Variants in EYS observed in about 807,000 individuals in gnomAD.
EYS encodes the protein EGF-like photoreceptor maintenance factor.
In EYS, 250 loss-of-function variants were observed where a neutral mutation model predicts 282.1. The observed-to-expected ratio is 0.89, with a 90% CI of 0.80 to 0.98. The LOEUF (loss-of-function observed/expected upper bound fraction) is 0.98, where lower values mean the gene tolerates loss of function less well. Among genes scored for constraint, EYS ranks in the 50% least tolerant of loss-of-function variants. The pLI is 0.00. For missense variants in EYS, 4,016 were observed against 3,709.0 expected (o/e 1.08, Z -2.15); for synonymous variants, 1,355 against 1,282.9 (o/e 1.06, Z -1.20).
chr6:64,295,763 A>C lies in EYS; in HGVS notation c.6191+11207T>G, dbSNP rs115495637. Among the ~76,000 whole-genome samples, 227 of 151,554 alleles carry C rather than the reference A, an allele frequency of 1.5e-3. 1 individual carries two copies. The highest frequency in any genetic ancestry group is 5.2e-3 in the African/African-American group (217 of 41,376). On this transcript the variant is annotated intron_variant, in intron 30 of 42. Transcript: ENST00000503581. ...AAAAAGAAAATGGGTCTGCCACTCCAAAGAAAACAGCTAACAGCATTTGTT... is the reference window on the plus strand; with the variant it reads ...AAAAAGAAAATGGGTCTGCCACTCCCAAGAAAACAGCTAACAGCATTTGTT...
chr6:65,333,258 T>G (rs1382689135), intron 11 of EYS, among the ~76,000 whole-genome samples: 3 of 151,580 alleles, frequency 2.0e-5, no homozygotes, highest in Non-Finnish European at 4.4e-5. Context: ...TCTCAAAGTC[T>G]TTTCTAATTT....
chr6:63,753,205 ATTC>A (rs1364987291), intron 41 of EYS, among the ~76,000 whole-genome samples: 1 of 147,458 alleles, frequency 6.8e-6, no homozygotes, highest in Non-Finnish European at 1.5e-5. Flanking sequence ...CTTTTATGCT[ATTC>A]TTATGCTATT....
chr6:64,184,979 T>C lies in EYS; in HGVS notation c.6424+45613A>G, dbSNP rs1764890689. 2.0e-5 allele frequency among the ~76,000 whole-genome samples: 3 copies of C among 152,034 alleles called. No homozygotes were observed. In the South Asian group the frequency reaches 6.2e-4, roughly 32 times the overall value. Reference sequence around the variant, plus strand: ...GAAAGTGGGGTATCTGGGAGGTGATTAGATTATGAGGGTGGAGTCTTCATG... The same window carrying C: ...GAAAGTGGGGTATCTGGGAGGTGATCAGATTATGAGGGTGGAGTCTTCATG... On this transcript the variant is annotated intron_variant, in intron 31 of 42. Transcript: ENST00000503581.
intron 12 of EYS, among the ~76,000 whole-genome samples, chr6:65,204,020 A>C (rs1468328736): frequency 6.6e-6 from 1 of 152,142 alleles, no homozygotes; most frequent in Non-Finnish European, 1.5e-5. Flanking sequence ...AACAGTAACA[A>C]AAAGGATTTC....
At chr6:64,584,258 G>A (rs1175833366) in intron 26 of EYS, among the ~76,000 whole-genome samples, 1 of 151,898 alleles carries the variant, frequency 6.6e-6, no homozygotes, top group African/African-American at 2.4e-5. Context: ...TTGCATATGT[G>A]TGGTGTGCAT....
Position 63,839,064 on chromosome 6 carries a change from G to A in EYS, c.7228+25122C>T, listed in dbSNP as rs558306268. On this transcript the variant is annotated intron_variant, in intron 36 of 42. Coordinates refer to ENST00000503581, the MANE Select transcript of EYS (RefSeq NM_001142800.2). Reference sequence around the variant, plus strand: ...TTAACATTTATCATTTCTTTCTGTTGGGAAGAGTCAAAATCTCCTCTAGCT... The same window carrying A: ...TTAACATTTATCATTTCTTTCTGTTAGGAAGAGTCAAAATCTCCTCTAGCT... 2.9e-3 allele frequency among the ~76,000 whole-genome samples: 436 copies of A among 152,074 alleles called. 2 individuals carry two copies. Among genetic ancestry groups the A allele is most frequent in the Non-Finnish European group, 4.7e-3 (322 of 67,988 alleles).
chr6:64,739,474 C>G (rs1301292510), intron 22 of EYS, among the ~76,000 whole-genome samples: 4 of 152,158 alleles, frequency 2.6e-5, no homozygotes, highest in Non-Finnish European at 5.9e-5. Context: ...AAAATAATTT[C>G]TATGGTGCTA....
intron 19 of EYS, among the ~76,000 whole-genome samples, chr6:64,875,038 A>G (rs1297866374): frequency 6.6e-6 from 1 of 152,038 alleles, no homozygotes; most frequent in African/African-American, 2.4e-5. Flanking sequence ...CACCAGAGTC[A>G]TTTGCTATGT....
At chr6:63,969,597 T>C (rs1459561420) in intron 35 of EYS, among the ~76,000 whole-genome samples, 1 of 152,190 alleles carries the variant, frequency 6.6e-6, no homozygotes, top group Admixed American at 6.5e-5. Context: ...ATCATTAGGA[T>C]AAAAATAAAC....
chr6:65,205,465 T>G (rs2150248565), intron 12 of EYS, among the ~76,000 whole-genome samples: 1 of 152,000 alleles, frequency 6.6e-6, no homozygotes, highest in Non-Finnish European at 1.5e-5. Flanking sequence ...AATTGGGAAC[T>G]TCAACACCTC....
intron 21 of EYS, among the ~76,000 whole-genome samples, chr6:64,814,178 A>C (rs965144680): frequency 3.3e-5 from 5 of 152,068 alleles, no homozygotes; most frequent in Non-Finnish European, 7.4e-5. Flanking sequence ...CATTTCTGAC[A>C]CCTGTAGCTG....
intron 22 of EYS, among the ~76,000 whole-genome samples, chr6:64,659,355 A>C (rs1478413615): frequency 7.0e-6 from 1 of 143,838 alleles, no homozygotes; most frequent in African/African-American, 2.5e-5. Flanking sequence ...CACATTCAAA[A>C]GCTAGCAGAA....
At chr6:64,673,989 AACT>A (rs1406748944) in intron 22 of EYS, among the ~76,000 whole-genome samples, 1 of 152,122 alleles carries the variant, frequency 6.6e-6, no homozygotes, top group Non-Finnish European at 1.5e-5. Flanking sequence ...GTTGAGATGT[AACT>A]AATAGAAATA....
At chr6:63,736,729 T>C (rs1165055616) in intron 41 of EYS, among the ~76,000 whole-genome samples, 1 of 152,162 alleles carries the variant, frequency 6.6e-6, no homozygotes, top group Non-Finnish European at 1.5e-5. Context: ...GCATGGAATG[T>C]TCTTCCATTT....
At chr6:64,722,428 C>T (rs59337221) in intron 22 of EYS, among the ~76,000 whole-genome samples, 1,936 of 150,424 alleles carry the variant, frequency 0.013, 44 homozygotes, top group African/African-American at 0.044. Flanking sequence ...CTTGATAAAA[C>T]GAAGAGAAGA....
intron 12 of EYS, among the ~76,000 whole-genome samples, chr6:65,228,474 T>C (rs1336167236): frequency 1.3e-5 from 2 of 152,042 alleles, no homozygotes; most frequent in South Asian, 2.1e-4. Context: ...TAAATAGATA[T>C]ATTGTGGTCA....
At chr6:65,554,222 T>C (rs531283972) in intron 2 of EYS, among the ~76,000 whole-genome samples, 44 of 152,302 alleles carry the variant, frequency 2.9e-4, no homozygotes, top group Middle Eastern at 6.8e-3. Context: ...GTACTTGTTA[T>C]AGTAGCCCAC....
At chr6:65,439,765 C>A (rs1285907844) in intron 5 of EYS, among the ~76,000 whole-genome samples, 1 of 151,956 alleles carries the variant, frequency 6.6e-6, no homozygotes, top group Non-Finnish European at 1.5e-5. Context: ...TGTGTCCTCA[C>A]AATTTCAACC....
At chr6:65,271,874 G>A (rs1180175972) in intron 12 of EYS, among the ~76,000 whole-genome samples, 3 of 152,154 alleles carry the variant, frequency 2.0e-5, no homozygotes, top group Non-Finnish European at 4.4e-5. Flanking sequence ...GTGAGCCACT[G>A]CACCCAGCAC....
Sources: allele counts gnomAD v4.1 joint callset (sites outside exome capture counted in the v4.1 genomes callset), GRCh38; gene constraint gnomAD v4.1.1; transcripts MANE v1.5; gene names NCBI Gene and HGNC (gene_info 2026-07-23, HGNC 2026-07-21).